Variants in SPAG16 observed in about 807,000 individuals in gnomAD.
The protein encoded by SPAG16 is sperm associated antigen 16, also known as sperm-associated antigen 16 protein.
SPAG16 carries 86 observed loss-of-function variants against 80.4 expected under a neutral mutation model. That is an observed-to-expected ratio of 1.07 (90% CI 0.90 to 1.28). The LOEUF (loss-of-function observed/expected upper bound fraction) is 1.28, where lower values mean the gene tolerates loss of function less well. SPAG16 is among the 50% of genes most tolerant of loss of function. SPAG16 has a pLI of 0.00. For synonymous variants in SPAG16, 294 were observed against 265.9 expected, an observed-to-expected ratio of 1.11 and a Z score of -1.03; for missense variants, 870 against 765.3, an observed-to-expected ratio of 1.14 and a Z score of -1.61.
At chr2:214,060,262 C>T (rs2050187960) in intron 13 of SPAG16, among the ~76,000 whole-genome samples, 1 of 152,136 alleles carries the variant, frequency 6.6e-6, no homozygotes, top group African/African-American at 2.4e-5. Context: ...CTAAATGACT[C>T]CAAAGAGAGT....
At chr2:214,183,330 G>A (rs1219169209) in intron 15 of SPAG16, among the ~76,000 whole-genome samples, 1 of 151,920 alleles carries the variant, frequency 6.6e-6, no homozygotes, top group Non-Finnish European at 1.5e-5. Context: ...GAGAATTACT[G>A]GTGAAGAGAA....
At chr2:214,213,946 G>T (rs1173823244) in intron 15 of SPAG16, among the ~76,000 whole-genome samples, 1 of 151,978 alleles carries the variant, frequency 6.6e-6, no homozygotes, top group African/African-American at 2.4e-5. Flanking sequence ...AATTTTAAGG[G>T]ATCTTATTTT....
chr2:213,596,201 T>C (rs1006722968), intron 10 of SPAG16, among the ~76,000 whole-genome samples: 1 of 152,156 alleles, frequency 6.6e-6, no homozygotes, highest in African/African-American at 2.4e-5. Context: ...AATGAATTGA[T>C]TGAAAGCAGA....
chr2:214,279,760 A>G (rs549117913), intron 15 of SPAG16, among the ~76,000 whole-genome samples: 40 of 152,366 alleles, frequency 2.6e-4, no homozygotes, highest in African/African-American at 9.1e-4. Flanking sequence ...TGACCAAGAT[A>G]TATACTAAGC....
intron 13 of SPAG16, among the ~76,000 whole-genome samples, chr2:214,091,711 T>C (rs1048038788): frequency 2.6e-5 from 4 of 152,136 alleles, no homozygotes; most frequent in African/African-American, 9.7e-5. Context: ...CTAGTTTACT[T>C]ATGCATTTAA....
intron 13 of SPAG16, among the ~76,000 whole-genome samples, chr2:214,055,987 G>C (rs2049918611): frequency 1.3e-5 from 2 of 152,084 alleles, no homozygotes; most frequent in Admixed American, 1.3e-4. Context: ...TCTGTCAACA[G>C]TAATTTAAAG....
chr2:213,831,606 A>C (rs904800055), intron 10 of SPAG16, among the ~76,000 whole-genome samples: 3 of 151,970 alleles, frequency 2.0e-5, no homozygotes, highest in Admixed American at 2.0e-4. Context: ...CATTTGTGTC[A>C]TGGATTTTCA....
At chr2:214,145,739 C>T (rs1265805146) in intron 14 of SPAG16, among the ~76,000 whole-genome samples, 1 of 152,084 alleles carries the variant, frequency 6.6e-6, no homozygotes, top group Non-Finnish European at 1.5e-5. Context: ...AGTCTTATGA[C>T]CACAAAGCAT....
At chr2:214,146,536 C>T (rs1044484012) in intron 14 of SPAG16, among the ~76,000 whole-genome samples, 2 of 152,148 alleles carry the variant, frequency 1.3e-5, no homozygotes, top group African/African-American at 2.4e-5. Flanking sequence ...AAGCATTACT[C>T]ATCTATCAGC....
intron 7 of SPAG16, among the ~76,000 whole-genome samples, chr2:213,354,119 AGT>A (rs2065492961): frequency 6.6e-6 from 1 of 152,072 alleles, no homozygotes; most frequent in African/African-American, 2.4e-5. Context: ...CCCACCTATG[AGT>A]GAGAACATGC....
intron 10 of SPAG16, among the ~76,000 whole-genome samples, chr2:213,508,098 A>G (rs2075045191): frequency 6.6e-6 from 1 of 152,188 alleles, no homozygotes; most frequent in African/African-American, 2.4e-5. Context: ...CCATCCCATC[A>G]CTGGGTATAT....
intron 10 of SPAG16, among the ~76,000 whole-genome samples, chr2:213,745,776 C>T (rs934829409): frequency 6.6e-6 from 1 of 151,976 alleles, no homozygotes; most frequent in Non-Finnish European, 1.5e-5. Context: ...AAAGGGACAT[C>T]GGTTTGATTT....
At chr2:214,406,862 G>T (rs190228179) in intron 15 of SPAG16, among the ~76,000 whole-genome samples, 9 of 152,162 alleles carry the variant, frequency 5.9e-5, no homozygotes, top group African/African-American at 1.9e-4. Context: ...AAAATATTCT[G>T]AAAGTCTTGG....
chr2:214,353,617 A>G (rs562895646), intron 15 of SPAG16, among the ~76,000 whole-genome samples: 8 of 152,258 alleles, frequency 5.3e-5, no homozygotes, highest in South Asian at 4.1e-4. Flanking sequence ...TCAAGGATCA[A>G]ATGCTAATAT....
intron 10 of SPAG16, among the ~76,000 whole-genome samples, chr2:213,763,256 TGATCCAGCA>T (rs1161520422): frequency 6.6e-6 from 1 of 152,210 alleles, no homozygotes; most frequent in Non-Finnish European, 1.5e-5. Flanking sequence ...AACTATCATC[TGATCCAGCA>T]GTCCCACTTC....
chr2:214,249,025 T>C (rs1690057114), intron 15 of SPAG16, among the ~76,000 whole-genome samples: 1 of 152,076 alleles, frequency 6.6e-6, no homozygotes, highest in Admixed American at 6.6e-5. Flanking sequence ...TTTAAGGAAA[T>C]GATAGGTAAG....
chr2:214,195,318 T>TAGATAGATAGATAGAC (rs1235529515), intron 15 of SPAG16, among the ~76,000 whole-genome samples: 2 of 151,614 alleles, frequency 1.3e-5, no homozygotes, highest in Non-Finnish European at 2.9e-5. Flanking sequence ...GATAGATAGA[T>TAGATAGATAGATAGAC]AGATAGATAG....
chr2:214,375,402 G>T (rs183387842), intron 15 of SPAG16, among the ~76,000 whole-genome samples: 1 of 151,898 alleles, frequency 6.6e-6, no homozygotes, highest in East Asian at 1.9e-4. Context: ...CTATTTTTTC[G>T]TTACCTTGGC....
chr2:213,913,324 A>AG (rs2077764691), intron 11 of SPAG16, among the ~76,000 whole-genome samples: 1 of 152,118 alleles, frequency 6.6e-6, no homozygotes, highest in African/African-American at 2.4e-5. Flanking sequence ...GTTTGCTAAT[A>AG]CAAACAATGC....
Sources: gnomAD v4.1 joint callset for allele counts (sites outside exome capture counted in the v4.1 genomes callset) on GRCh38, gnomAD v4.1.1 for gene constraint, MANE v1.5 for transcripts, NCBI Gene and HGNC (gene_info 2026-07-23, HGNC 2026-07-21) for gene names.